Variants in EGLN1 observed in about 807,000 individuals in gnomAD.
EGLN1 encodes egl nine homolog 1.
A neutral mutation model predicts 38.3 loss-of-function variants in EGLN1; 17 were observed. The observed-to-expected ratio is 0.44, with a 90% CI of 0.30 to 0.67. The LOEUF (loss-of-function observed/expected upper bound fraction) is 0.67, where lower values mean the gene tolerates loss of function less well. EGLN1 is among the 30% of genes least tolerant of loss of function. The pLI, the probability that EGLN1 is intolerant of heterozygous loss-of-function variation, is 0.08. For synonymous variants in EGLN1, 283 were observed against 257.5 expected, an observed-to-expected ratio of 1.10 and a Z score of -0.95; for missense variants, 477 against 603.3, an observed-to-expected ratio of 0.79 and a Z score of 2.19.
rs368862498 is a variant in EGLN1 at position 231,364,894 on chromosome 1, G to A, written c.*1517C>T. 5.3e-5 allele frequency: 8 copies of A among 152,268 alleles called. No homozygotes were observed. Among genetic ancestry groups the A allele is most frequent in the East Asian group, 1.9e-4 (1 of 5,184 alleles). The allele number at this position is 152,268 out of a possible 1,614,324, so 9.4% of individuals were successfully genotyped here. A position where few individuals can be genotyped will look rare whatever the true frequency, so the allele number is the denominator to read the frequency against. On this transcript the variant is annotated 3_prime_UTR_variant, in exon 5 of 5. Coordinates refer to ENST00000366641, the MANE Select transcript of EGLN1 (RefSeq NM_022051.3). ...TAGGAAAGTGAAGTCTAAGACATCC[G>A]TCCCAATTCATTCTTTAAATAACAT...
In EGLN1 at chr1:231,364,058, A is replaced by G. The variant is rs1014605893; in HGVS notation, c.*2353T>C. On this transcript the variant is annotated 3_prime_UTR_variant, in exon 5 of 5. Coordinates refer to ENST00000366641, the MANE Select transcript of EGLN1 (RefSeq NM_022051.3). Reference sequence around the variant, plus strand: ...GTGACAAGTTAATAGTCCCACTAACATGAAATGAATGGATATTAAATAAAT... The same window carrying G: ...GTGACAAGTTAATAGTCCCACTAACGTGAAATGAATGGATATTAAATAAAT... 1 of 152,230 alleles carries G rather than the reference A, an allele frequency of 6.6e-6. No homozygotes were observed. The highest frequency in any genetic ancestry group is 1.5e-5 in the Non-Finnish European group (1 of 68,040). The allele number at this position is 152,230 out of a possible 1,614,324, so 9.4% of individuals were successfully genotyped here. A position where few individuals can be genotyped will look rare whatever the true frequency, so the allele number is the denominator to read the frequency against.
Position 231,421,935 on chromosome 1 carries a change from G to A in EGLN1, c.-47C>T, listed in dbSNP as rs1656644729. 3 of 1,350,880 alleles carry A rather than the reference G, an allele frequency of 2.2e-6. No homozygotes were observed. Among genetic ancestry groups the A allele is most frequent in the South Asian group, 1.9e-5 (1 of 53,490 alleles). The allele number at this position is 1,350,880 out of a possible 1,614,324, so 83.7% of individuals were successfully genotyped here. On this transcript the variant is annotated 5_prime_UTR_variant, in exon 1 of 5. Transcript: ENST00000366641. The surrounding 1 kb of genome is among the most constrained non-coding windows in gnomAD (Gnocchi z 5.5). The stretch of plus-strand genomic sequence containing the variant: ...GGCGACTGCGGCGGCCGAGCAGGAG[G>A]GGTAGCGGCCGGACGGCCTCGCCCG...
At chr1:231,411,907 G>A (rs1688958547) in intron 1 of EGLN1, among the ~76,000 whole-genome samples, 1 of 150,278 alleles carries the variant, frequency 6.7e-6, no homozygotes, top group Admixed American at 6.7e-5. Context: ...GCTGAGGGAG[G>A]AGAATCACTT....
chr1:231,403,848 A>G (rs1044668794), intron 1 of EGLN1, among the ~76,000 whole-genome samples: 2 of 151,796 alleles, frequency 1.3e-5, no homozygotes, highest in African/African-American at 4.8e-5. Context: ...TAACACTACA[A>G]GTATTTAAGC....
Position 231,421,197 on chromosome 1 carries a change from T to C in EGLN1, c.692A>G (p.Asp231Gly), listed in dbSNP as rs754657721. 12 of 1,614,112 alleles carry C rather than the reference T, an allele frequency of 7.4e-6. No individual in the cohort carries two copies. Among genetic ancestry groups the C allele is most frequent in the East Asian group, 2.2e-5 (1 of 44,850 alleles). ...QIGDEVRALHDTGKFTDGQLV... is the reference protein window; with the variant it reads ...QIGDEVRALHGTGKFTDGQLV... ...CTGCCCGTCCGTGAACTTCCCGGTG[T>C]CGTGCAGGGCGCGCACCTCGTCGCC... is the stretch of plus-strand genomic sequence containing the variant. Residue 231 changes from aspartate (D) to glycine (G), a missense_variant, in exon 1 of 5, where the codon GAC (aspartate) becomes GGC (glycine). Transcript: ENST00000366641. This position sits in a 1 kb window ranked among gnomAD's most constrained non-coding sequence, Gnocchi z 5.5.
rs375702265 is a variant in EGLN1, at chr1:231,385,745, T to C, written c.892-11646A>G. The stretch of plus-strand genomic sequence containing the variant: ...TTCGGTAGGTGACTGAGTGGCACCA[T>C]TTTTGTAGTACAGCTATAAAGCAGT... On this transcript the variant is annotated intron_variant, in intron 1 of 4. Transcript: ENST00000366641. Among the ~76,000 whole-genome samples the C allele has an allele frequency of 2.0e-5, 3 of 152,356 alleles. No homozygotes were observed. In the South Asian group the frequency reaches 6.2e-4, roughly 32 times the overall value.
chr1:231,401,491 A>G (rs1688662670), intron 1 of EGLN1, among the ~76,000 whole-genome samples: 1 of 152,206 alleles, frequency 6.6e-6, no homozygotes, highest in Admixed American at 6.5e-5. Context: ...ATGTACAGAG[A>G]TACATCTTTA....
intron 1 of EGLN1, among the ~76,000 whole-genome samples, chr1:231,376,835 A>C (rs1279267999): frequency 6.6e-6 from 1 of 152,174 alleles, no homozygotes; most frequent in Non-Finnish European, 1.5e-5. Context: ...CAAATCTCTG[A>C]AGAGAGAGCA....
intron 1 of EGLN1, among the ~76,000 whole-genome samples, chr1:231,398,513 C>T (rs2790880): frequency 0.6 from 91,672 of 152,016 alleles, 27,914 homozygotes; most frequent in Non-Finnish European, 0.65. Flanking sequence ...GTCACACTTA[C>T]GTGGTCACGT....
chr1:231,395,646 A>G (rs2486734), intron 1 of EGLN1, among the ~76,000 whole-genome samples: 82,875 of 152,082 alleles, frequency 0.54, 24,209 homozygotes, highest in Non-Finnish European at 0.65. Context: ...TAATGACGCC[A>G]GTGTATTTCC....
chr1:231,378,890 T>C (rs1381142209), intron 1 of EGLN1, among the ~76,000 whole-genome samples: 1 of 152,228 alleles, frequency 6.6e-6, no homozygotes, highest in African/African-American at 2.4e-5. Flanking sequence ...TATTAAACTA[T>C]ATTATCAAAG....
intron 2 of EGLN1, among the ~76,000 whole-genome samples, chr1:231,371,179 T>C (rs1424160074): frequency 1.3e-5 from 2 of 152,206 alleles, no homozygotes; most frequent in Non-Finnish European, 2.9e-5. Flanking sequence ...TGTGAGCCAC[T>C]GTCCCCAGCC....
At chr1:231,402,244 A>T (rs1255082097) in intron 1 of EGLN1, among the ~76,000 whole-genome samples, 1 of 152,062 alleles carries the variant, frequency 6.6e-6, no homozygotes, top group Non-Finnish European at 1.5e-5. Context: ...TTCTCTCAAA[A>T]GGGTTTGTCT....
At chr1:231,392,041 G>A (rs2248652) in intron 1 of EGLN1, among the ~76,000 whole-genome samples, 82,886 of 151,936 alleles carry the variant, frequency 0.55, 24,210 homozygotes, top group Non-Finnish European at 0.65. Flanking sequence ...TAATCCCAGC[G>A]CTTTGGGAGG....
At chr1:231,402,825 T>G (rs1337984792) in intron 1 of EGLN1, among the ~76,000 whole-genome samples, 1 of 150,442 alleles carries the variant, frequency 6.6e-6, no homozygotes, top group Admixed American at 6.6e-5. Flanking sequence ...TCCACATAGA[T>G]AGCCATGTAT....
chr1:231,406,112 A>C (rs1291263442), intron 1 of EGLN1, among the ~76,000 whole-genome samples: 2 of 146,856 alleles, frequency 1.4e-5, no homozygotes, highest in Non-Finnish European at 1.5e-5. Flanking sequence ...CAGTGAGCCA[A>C]GATTGCACCA....
At chr1:231,415,331 A>C (rs750730212) in intron 1 of EGLN1, among the ~76,000 whole-genome samples, 1 of 151,988 alleles carries the variant, frequency 6.6e-6, no homozygotes, top group Non-Finnish European at 1.5e-5. Context: ...ATATGTATAA[A>C]GTTACAGATA....
chr1:231,416,660 C>T (rs1689090897), intron 1 of EGLN1, among the ~76,000 whole-genome samples: 1 of 152,106 alleles, frequency 6.6e-6, no homozygotes, highest in Middle Eastern at 3.2e-3. Flanking sequence ...GCCACTAAAG[C>T]CCAGCCTAAA....
At chr1:231,388,814 C>T (rs1466776953) in intron 1 of EGLN1, among the ~76,000 whole-genome samples, 1 of 152,080 alleles carries the variant, frequency 6.6e-6, no homozygotes, top group Non-Finnish European at 1.5e-5. Flanking sequence ...ACCACCACGC[C>T]CAGCTAATTT....
Sources: gnomAD v4.1 joint callset for allele counts (sites outside exome capture counted in the v4.1 genomes callset) on GRCh38, gnomAD v4.1.1 for gene constraint, Gnocchi (gnomAD v3.1) non-coding constraint, MANE v1.5 for transcripts, NCBI Gene and HGNC (gene_info 2026-07-23, HGNC 2026-07-21) for gene names.